FSIP1: variants seen among roughly 807,000 people sequenced by gnomAD.
FSIP1 encodes fibrous sheath interacting protein 1, also known as fibrous sheath-interacting protein 1.
Under a neutral mutation model 60.9 loss-of-function variants are expected in FSIP1, and 65 were observed. The ratio of observed to expected loss-of-function variants is 1.07; its 90% CI spans 0.87 to 1.31. The LOEUF is 1.31. Ranked by LOEUF, FSIP1 falls within the 40% of genes most tolerant of loss-of-function variation. FSIP1 has a pLI of 0.00. For synonymous variants in FSIP1, 209 were observed against 221.2 expected, an observed-to-expected ratio of 0.94 and a Z score of 0.49; for missense variants, 675 against 665.5, an observed-to-expected ratio of 1.01 and a Z score of -0.16.
intron 5 of FSIP1, among the ~76,000 whole-genome samples, chr15:39,749,263 CAA>C (rs3065148): frequency 1.0e-5 from 1 of 98,318 alleles, no homozygotes; most frequent in African/African-American, 4.7e-5. Flanking sequence ...TAAACTCTTC[CAA>C]AAAAAAAAAA....
intron 10 of FSIP1, among the ~76,000 whole-genome samples, chr15:39,698,143 T>A: frequency 6.7e-6 from 1 of 149,840 alleles, no homozygotes; most frequent in East Asian, 1.9e-4. Context: ...GTTGAAAGTG[T>A]ACAAAACACA....
chr15:39,759,100 A>G (rs1439162727), intron 5 of FSIP1, among the ~76,000 whole-genome samples: 2 of 152,046 alleles, frequency 1.3e-5, no homozygotes, highest in East Asian at 3.8e-4. Context: ...TTTTTTATAC[A>G]ATCTTGAGAC....
At chr15:39,607,779 A>G (rs1890880105) in intron 11 of FSIP1, among the ~76,000 whole-genome samples, 1 of 152,240 alleles carries the variant, frequency 6.6e-6, no homozygotes, top group African/African-American at 2.4e-5. Context: ...ACGTATCAGT[A>G]ATACTTGCTA....
At chr15:39,627,049 T>C (rs1389711271) in intron 10 of FSIP1, among the ~76,000 whole-genome samples, 1 of 152,054 alleles carries the variant, frequency 6.6e-6, no homozygotes, top group Non-Finnish European at 1.5e-5. Flanking sequence ...AAAAAGATGC[T>C]CAACCCTGGG....
intron 10 of FSIP1, among the ~76,000 whole-genome samples, chr15:39,633,091 C>CTTTTTTTTTTTTTTTTTTTTTT (rs869063502): frequency 9.7e-5 from 11 of 112,882 alleles, no homozygotes; most frequent in African/African-American, 3.7e-4. Flanking sequence ...GGCTATACTT[C>CTTTTTTTTTTTTTTTTTTTTTT]TTTTTTTTTT....
At chr15:39,663,161 C>G (rs1053815420) in intron 10 of FSIP1, among the ~76,000 whole-genome samples, 1 of 151,954 alleles carries the variant, frequency 6.6e-6, no homozygotes, top group African/African-American at 2.4e-5. Flanking sequence ...TTTTCAAATC[C>G]TCTAAATACC....
intron 10 of FSIP1, among the ~76,000 whole-genome samples, chr15:39,627,950 C>T (rs1378785434): frequency 1.3e-5 from 2 of 152,318 alleles, no homozygotes; most frequent in East Asian, 3.9e-4. Context: ...AACCAAACAG[C>T]GTGGGCCTGG....
intron 10 of FSIP1, among the ~76,000 whole-genome samples, chr15:39,674,675 A>C (rs1893867815): frequency 6.6e-6 from 1 of 152,238 alleles, no homozygotes. Flanking sequence ...TTTACATTAC[A>C]CAAAAATTAA....
At chr15:39,694,365 T>C (rs1227196217) in intron 10 of FSIP1, among the ~76,000 whole-genome samples, 1 of 152,096 alleles carries the variant, frequency 6.6e-6, no homozygotes, top group Non-Finnish European at 1.5e-5. Flanking sequence ...GAACATATGG[T>C]TTAAAATAGA....
chr15:39,634,140 AC>A (rs944870224), intron 10 of FSIP1, among the ~76,000 whole-genome samples: 2 of 150,096 alleles, frequency 1.3e-5, no homozygotes, highest in African/African-American at 4.9e-5. Flanking sequence ...CAATCTCCCC[AC>A]TCTCTTTTGC....
At chr15:39,710,016 C>T (rs1895432002) in intron 10 of FSIP1, among the ~76,000 whole-genome samples, 1 of 152,158 alleles carries the variant, frequency 6.6e-6, no homozygotes, top group African/African-American at 2.4e-5. Flanking sequence ...AACAAGGACT[C>T]AGGTCTCCAG....
chr15:39,705,954 T>C (rs371473078), intron 10 of FSIP1, among the ~76,000 whole-genome samples: 3 of 144,754 alleles, frequency 2.1e-5, no homozygotes, highest in South Asian at 2.2e-4. Context: ...GCTGAGATCA[T>C]GCCATTGCAC....
chr15:39,624,974 G>C (rs1262819992), intron 10 of FSIP1, among the ~76,000 whole-genome samples: 1 of 152,236 alleles, frequency 6.6e-6, no homozygotes, highest in Non-Finnish European at 1.5e-5. Context: ...ATAATACTGA[G>C]TGTGAAGTAG....
chr15:39,633,096 T>TA (rs1891974358), intron 10 of FSIP1, among the ~76,000 whole-genome samples: 1 of 146,614 alleles, frequency 6.8e-6, no homozygotes, highest in South Asian at 2.2e-4. Context: ...TACTTCTTTT[T>TA]TTTTTTTTTT....
intron 10 of FSIP1, among the ~76,000 whole-genome samples, chr15:39,646,193 G>A (rs181369672): frequency 2.4e-4 from 37 of 152,238 alleles, no homozygotes; most frequent in Admixed American, 9.2e-4. Flanking sequence ...GCAGAGAGGA[G>A]TACCCTCACT....
intron 10 of FSIP1, among the ~76,000 whole-genome samples, chr15:39,637,677 T>C (rs1212156409): frequency 6.6e-6 from 1 of 152,276 alleles, no homozygotes; most frequent in East Asian, 1.9e-4. Flanking sequence ...GTGGCTGTGA[T>C]ACTGAATAGT....
chr15:39,655,546 A>T (rs1211572753), intron 10 of FSIP1, among the ~76,000 whole-genome samples: 1 of 152,200 alleles, frequency 6.6e-6, no homozygotes, highest in Non-Finnish European at 1.5e-5. Context: ...TTGAATGCCC[A>T]CTACAAAGTT....
At chr15:39,620,183 C>T (rs1473412293) in intron 10 of FSIP1, among the ~76,000 whole-genome samples, 2 of 152,048 alleles carry the variant, frequency 1.3e-5, no homozygotes, top group Non-Finnish European at 2.9e-5. Flanking sequence ...AGAAAGGATG[C>T]CATAGGCTAA....
At chr15:39,667,482 T>C (rs1893543436) in intron 10 of FSIP1, among the ~76,000 whole-genome samples, 1 of 152,200 alleles carries the variant, frequency 6.6e-6, no homozygotes, top group South Asian at 2.1e-4. Flanking sequence ...GTGACCCTTT[T>C]AAGCCCTTTA....
Sources: allele counts gnomAD v4.1 joint callset (sites outside exome capture counted in the v4.1 genomes callset), GRCh38; gene constraint gnomAD v4.1.1; transcripts MANE v1.5; gene names NCBI Gene and HGNC (gene_info 2026-07-23, HGNC 2026-07-21).